The following RGSL1 variants were observed in gnomAD, a reference collection of about 807,000 sequenced individuals.
RGSL1 encodes regulator of G protein signaling like 1.
A neutral mutation model predicts 124.7 loss-of-function variants in RGSL1; 97 were observed. The observed-to-expected ratio is 0.78, with a 90% CI of 0.66 to 0.92. RGSL1 has a LOEUF of 0.92. RGSL1 is among the 40% of genes least tolerant of loss of function. The pLI is 0.00. For missense variants in RGSL1, 1,233 were observed against 1,288.4 expected, an observed-to-expected ratio of 0.96 and a Z score of 0.66; for synonymous variants, 424 against 438.1, an observed-to-expected ratio of 0.97 and a Z score of 0.40.
At chr1:182,483,045 T>G (rs1410513379) in intron 6 of RGSL1, among the ~76,000 whole-genome samples, 1 of 152,218 alleles carries the variant, frequency 6.6e-6, no homozygotes, top group Non-Finnish European at 1.5e-5. Context: ...ATAATCTCAC[T>G]TATGTATTGA....
intron 9 of RGSL1, among the ~76,000 whole-genome samples, chr1:182,508,677 T>G (rs895441812): frequency 1.3e-4 from 4 of 30,078 alleles, no homozygotes; most frequent in South Asian, 1.4e-3. Flanking sequence ...TATTTGTTTT[T>G]TTTTTTTTTT....
chr1:182,494,162 C>G (rs1215214043), intron 9 of RGSL1, among the ~76,000 whole-genome samples: 4 of 152,178 alleles, frequency 2.6e-5, no homozygotes, highest in Non-Finnish European at 5.9e-5. Flanking sequence ...ACCTATCATA[C>G]AAATTGGGCC....
rs751742483 is a variant in RGSL1, at chr1:182,530,286, C to T, written c.2168C>T (p.Ala723Val). Residue 723 changes from alanine (A) to valine (V), a missense_variant, in exon 12 of 22, where the codon GCT (alanine) becomes GTT (valine). Coordinates refer to ENST00000294854, the MANE Select transcript of RGSL1 (RefSeq NM_001137669.2). ...QCDAPIIKEI[A>V]SMRHVTTSTL... is the part of the protein sequence containing the mutation. Reference sequence around the variant, plus strand: ...GATGCCCCTATTATCAAAGAAATCGCTTCCATGCGTCATGTCACCACAAGC... The same window carrying T: ...GATGCCCCTATTATCAAAGAAATCGTTTCCATGCGTCATGTCACCACAAGC... 5.9e-5 allele frequency: 92 copies of T among 1,550,954 alleles called. No homozygotes were observed. The highest frequency in any genetic ancestry group is 7.5e-5 in the Non-Finnish European group (86 of 1,146,572).
intron 1 of RGSL1, among the ~76,000 whole-genome samples, chr1:182,452,158 T>C (rs1250643441): frequency 6.6e-6 from 1 of 151,958 alleles, no homozygotes; most frequent in Non-Finnish European, 1.5e-5. Flanking sequence ...CTGGACACAT[T>C]GAACATGTTG....
rs548880695 is a variant in RGSL1 at position 182,501,923 on chromosome 1, C to G, written c.1825+8794C>G. On this transcript the variant is annotated intron_variant, in intron 9 of 21. Transcript: ENST00000294854. ...GGTTCTTGATTATTGGTTCAATCTCCCATTCAAACTGTTATTTTTTCTTGA... is the reference window on the plus strand; with the variant it reads ...GGTTCTTGATTATTGGTTCAATCTCGCATTCAAACTGTTATTTTTTCTTGA... 1.4e-3 allele frequency among the ~76,000 whole-genome samples: 219 copies of G among 152,208 alleles called. 1 individual carries two copies. The highest frequency in any genetic ancestry group is 5.8e-4 in the East Asian group (3 of 5,176).
chr1:182,491,191 G>A (rs893659181), intron 8 of RGSL1, among the ~76,000 whole-genome samples: 4 of 151,696 alleles, frequency 2.6e-5, no homozygotes, highest in Non-Finnish European at 4.4e-5. Context: ...CCTAGCCTAC[G>A]TATGGTACTT....
At chr1:182,503,974 C>CTTTTTT (rs71124902) in intron 9 of RGSL1, among the ~76,000 whole-genome samples, 6 of 118,238 alleles carry the variant, frequency 5.1e-5, no homozygotes, top group South Asian at 2.7e-4. Flanking sequence ...TTTGTAATTT[C>CTTTTTT]TTTTTTTTTT....
In RGSL1 at chr1:182,463,120, C is replaced by T. The variant is rs542629762; in HGVS notation, c.301+2987C>T. 2.0e-3 allele frequency among the ~76,000 whole-genome samples: 307 copies of T among 151,738 alleles called. 1 individual carries two copies. Among genetic ancestry groups the T allele is most frequent in the African/African-American group, 7.0e-3 (288 of 41,372 alleles). On this transcript the variant is annotated intron_variant, in intron 4 of 21. Transcript: ENST00000294854. ...CATCCTGGCTAACACGGTGAAACCC[C>T]GTCTCTATTAAAAATACAAAAAAAT...
At chr1:182,511,510 T>A (rs376284456) in intron 9 of RGSL1, among the ~76,000 whole-genome samples, 1 of 152,190 alleles carries the variant, frequency 6.6e-6, no homozygotes, top group African/African-American at 2.4e-5. Flanking sequence ...TTGAAGAGAC[T>A]GTTATTTCCC....
Position 182,474,194 on chromosome 1 carries a change from C to A in RGSL1, c.1083C>A (p.Ile361=), listed in dbSNP as rs778305607. ...HSSKMTIQKA[I]KQSFSLGYIH... Reference sequence around the variant, plus strand: ...CCAAGATGACAATTCAGAAGGCCATCAAGCAAAGCTTCTCCTTAGGATACA... The same window carrying A: ...CCAAGATGACAATTCAGAAGGCCATAAAGCAAAGCTTCTCCTTAGGATACA... The change falls in exon 6 of 22, where the codon ATC becomes ATA. Residue 361 remains isoleucine (I), a synonymous_variant. Coordinates refer to ENST00000294854, the MANE Select transcript of RGSL1 (RefSeq NM_001137669.2). 15 of 1,551,940 alleles carry A rather than the reference C, an allele frequency of 9.7e-6. No individual in the cohort carries two copies. The Admixed American group carries it at 2.0e-4, about 20-fold the overall frequency.
intron 21 of RGSL1, among the ~76,000 whole-genome samples, chr1:182,557,035 G>A (rs907202409): frequency 2.6e-5 from 4 of 152,190 alleles, no homozygotes; most frequent in Non-Finnish European, 5.9e-5. Context: ...GATGAAAAAG[G>A]TGATGTTGGA....
intron 4 of RGSL1, chr1:182,471,285 A>G (rs1558254254): frequency 8.7e-6 from 4 of 457,536 alleles, no homozygotes; most frequent in Non-Finnish European, 1.3e-5. Flanking sequence ...CTGGCAGCCA[A>G]GATGATGAGA....
intron 15 of RGSL1, among the ~76,000 whole-genome samples, chr1:182,544,128 GTATT>G (rs1316872234): frequency 6.6e-6 from 1 of 151,882 alleles, no homozygotes; most frequent in African/African-American, 2.4e-5. Flanking sequence ...TTTGATGTAA[GTATT>G]TATTTTCTAA....
intron 21 of RGSL1, among the ~76,000 whole-genome samples, chr1:182,557,761 GA>G (rs1481258908): frequency 6.6e-6 from 1 of 151,102 alleles, no homozygotes; most frequent in African/African-American, 2.4e-5. Flanking sequence ...CCCTGAGTTG[GA>G]AAAAAAAATC....
chr1:182,494,253 T>C (rs139511833), intron 9 of RGSL1, among the ~76,000 whole-genome samples: 1 of 152,306 alleles, frequency 6.6e-6, no homozygotes, highest in East Asian at 1.9e-4. Flanking sequence ...AATTACCCTA[T>C]CAGTACAGTG....
rs568115707 is a variant in RGSL1 at position 182,493,211 on chromosome 1, A to AG, written c.1825+84dup. On this transcript the variant is annotated intron_variant, in intron 9 of 21. Coordinates refer to ENST00000294854, the MANE Select transcript of RGSL1 (RefSeq NM_001137669.2). Reference sequence around the variant, plus strand: ...AAAATCTGTAATCTTGTGTTCTTTAAGGAACATAAGCCAAAAGAGGAACCA... The same window carrying AG: ...AAAATCTGTAATCTTGTGTTCTTTAAGGGAACATAAGCCAAAAGAGGAACCA... 8.3e-5 allele frequency: 81 copies of AG among 977,938 alleles called. No individual in the cohort carries two copies. In the African/African-American group the frequency reaches 1.2e-3, roughly 15 times the overall value. 60.6% of individuals were successfully genotyped at this position (977,938 alleles called of 1,614,324 possible).
At chr1:182,532,349 C>T (rs1203243005) in intron 13 of RGSL1, among the ~76,000 whole-genome samples, 2 of 152,128 alleles carry the variant, frequency 1.3e-5, no homozygotes, top group East Asian at 1.9e-4. Context: ...CAGTTTTTAG[C>T]TCTCATGCTC....
intron 8 of RGSL1, among the ~76,000 whole-genome samples, chr1:182,492,320 G>T (rs534385906): frequency 6.6e-6 from 1 of 152,150 alleles, no homozygotes; most frequent in Non-Finnish European, 1.5e-5. Flanking sequence ...ACCCGTCTCT[G>T]CAAAAGAACA....
chr1:182,554,441 T>C (rs150781239), intron 19 of RGSL1, among the ~76,000 whole-genome samples, 186 bp from the exon 20 acceptor site: 4 of 152,290 alleles, frequency 2.6e-5, no homozygotes, highest in Admixed American at 6.5e-5. Flanking sequence ...AACACACAAA[T>C]TGCAGCATAG....
Sources: gnomAD v4.1 joint callset for allele counts (sites outside exome capture counted in the v4.1 genomes callset) on GRCh38, gnomAD v4.1.1 for gene constraint, MANE v1.5 for transcripts, NCBI Gene and HGNC (gene_info 2026-07-23, HGNC 2026-07-21) for gene names.